DSCAML1: variants seen among roughly 807,000 people sequenced by gnomAD.
The protein encoded by DSCAML1 is DS cell adhesion molecule like 1, also known as cell adhesion molecule DSCAML1.
A neutral mutation model predicts 200.5 loss-of-function variants in DSCAML1; 38 were observed. That is an observed-to-expected ratio of 0.19 (90% CI 0.15 to 0.25). The LOEUF is 0.25. DSCAML1 is among the 10% of genes least tolerant of loss of function. The pLI is 1.00. For synonymous variants in DSCAML1, 1,215 were observed against 1,165.0 expected (o/e 1.04, Z -0.87); for missense variants, 2,223 against 2,858.8 (o/e 0.78, Z 5.07).
At chr11:117,597,388 A>C (rs776711966) in intron 3 of DSCAML1, among the ~76,000 whole-genome samples, 1 of 152,106 alleles carries the variant, frequency 6.6e-6, no homozygotes, top group Non-Finnish European at 1.5e-5. Context: ...AGCAGCTAAG[A>C]CTCAACCTGA....
chr11:117,509,402 C>T (rs2137287578), intron 8 of DSCAML1, among the ~76,000 whole-genome samples: 1 of 152,288 alleles, frequency 6.6e-6, no homozygotes, highest in South Asian at 2.1e-4. Flanking sequence ...AAACATGCAG[C>T]TGGGCTGGTC....
At chr11:117,718,793 T>A (rs1435477532) in intron 3 of DSCAML1, among the ~76,000 whole-genome samples, 1 of 151,332 alleles carries the variant, frequency 6.6e-6, no homozygotes, top group Non-Finnish European at 1.5e-5. Flanking sequence ...GAAATTACAA[T>A]GATGATTACT....
At chr11:117,680,809 G>T (rs1258620308) in intron 3 of DSCAML1, among the ~76,000 whole-genome samples, 1 of 152,200 alleles carries the variant, frequency 6.6e-6, no homozygotes, top group Non-Finnish European at 1.5e-5. Flanking sequence ...GCCAGGCAGG[G>T]TCCGTTCCCC....
chr11:117,476,195 A>G (rs1008327915), intron 14 of DSCAML1, among the ~76,000 whole-genome samples: 1 of 152,124 alleles, frequency 6.6e-6, no homozygotes, highest in Non-Finnish European at 1.5e-5. Flanking sequence ...GGCTGGGGAG[A>G]TGTCAGTGCC....
chr11:117,804,736 G>A (rs1345896245), intron 1 of DSCAML1, among the ~76,000 whole-genome samples: 1 of 152,132 alleles, frequency 6.6e-6, no homozygotes, highest in Non-Finnish European at 1.5e-5. Context: ...TTCAAGACCA[G>A]CCTGGACAAC....
At chr11:117,641,755 C>T (rs188964412) in intron 3 of DSCAML1, among the ~76,000 whole-genome samples, 17 of 152,304 alleles carry the variant, frequency 1.1e-4, no homozygotes, top group South Asian at 2.1e-4. Context: ...GGCCTGCGAC[C>T]GGCTCTATGC....
chr11:117,705,018 G>A (rs978217511), intron 3 of DSCAML1, among the ~76,000 whole-genome samples: 1 of 152,196 alleles, frequency 6.6e-6, no homozygotes, highest in African/African-American at 2.4e-5. Flanking sequence ...GTGGTGCAAA[G>A]ACTCTGCGTA....
chr11:117,680,694 C>T (rs1000584068), intron 3 of DSCAML1, among the ~76,000 whole-genome samples: 8 of 152,224 alleles, frequency 5.3e-5, no homozygotes, highest in African/African-American at 1.9e-4. Flanking sequence ...CTTGTAAGGA[C>T]AGCCTCTCCA....
chr11:117,462,136 T>C (rs1277502582), intron 17 of DSCAML1, among the ~76,000 whole-genome samples: 1 of 152,206 alleles, frequency 6.6e-6, no homozygotes, highest in African/African-American at 2.4e-5. Flanking sequence ...GGAAAAGGAC[T>C]TCAGCTAACC....
At chr11:117,549,998 C>T (rs189781309) in intron 3 of DSCAML1, among the ~76,000 whole-genome samples, 1 of 152,286 alleles carries the variant, frequency 6.6e-6, no homozygotes, top group East Asian at 1.9e-4. Flanking sequence ...ACCAACCTTT[C>T]CACACTGGGT....
rs2048650603 is a variant in DSCAML1, at chr11:117,469,857, A to G, written c.3024+53T>C. The G allele has an allele frequency of 3.3e-6, 5 of 1,521,680 alleles. No homozygotes were observed. The highest frequency in any genetic ancestry group is 4.5e-6 in the Non-Finnish European group (5 of 1,118,808). 94.3% of individuals were successfully genotyped at this position (1,521,680 alleles called of 1,614,324 possible). On this transcript the variant is annotated intron_variant, in intron 16 of 32. Transcript: ENST00000651296. The surrounding 1 kb of genome is among the most constrained non-coding windows in gnomAD (Gnocchi z 4.1). ...TGCTGGGAGCTTTCGTCCTGGATTG[A>G]GGAGAGAGGAGGCAAGCAGACATTC... is the stretch of plus-strand genomic sequence containing the variant.
At chr11:117,467,202 C>CCCCCCCCCCCCCCCCCCCCCA (rs2048600020) in intron 16 of DSCAML1, among the ~76,000 whole-genome samples, 1 of 134,080 alleles carries the variant, frequency 7.5e-6, no homozygotes, top group African/African-American at 3.1e-5. Context: ...CACCTCCCCC[C>CCCCCCCCCCCCCCCCCCCCCA]TCCCCCCGCC....
chr11:117,810,371 G>A (rs567554134), intron 1 of DSCAML1, among the ~76,000 whole-genome samples: 42 of 148,942 alleles, frequency 2.8e-4, no homozygotes, highest in Non-Finnish European at 4.3e-4. Flanking sequence ...CCTTATTTCC[G>A]CACCCCGACC....
chr11:117,656,111 G>A (rs373487045), intron 3 of DSCAML1, among the ~76,000 whole-genome samples: 3 of 152,330 alleles, frequency 2.0e-5, no homozygotes, highest in Middle Eastern at 3.4e-3. Flanking sequence ...GGTGGCGTAC[G>A]CCTGTAATCT....
chr11:117,629,512 T>G (rs2052127566), intron 3 of DSCAML1, among the ~76,000 whole-genome samples: 1 of 152,034 alleles, frequency 6.6e-6, no homozygotes, highest in African/African-American at 2.4e-5. Flanking sequence ...CAAGGGGGCC[T>G]GGACAGACTG....
chr11:117,488,343 C>T (rs1393532711), intron 11 of DSCAML1, among the ~76,000 whole-genome samples: 1 of 152,228 alleles, frequency 6.6e-6, no homozygotes, highest in African/African-American at 2.4e-5. Flanking sequence ...TCTTCCACCT[C>T]CCCCTTACTT....
In DSCAML1 at chr11:117,713,725, C is replaced by T. The variant is rs933783153; in HGVS notation, c.511+63066G>A. On this transcript the variant is annotated intron_variant, in intron 3 of 32. Coordinates refer to ENST00000651296, the MANE Select transcript of DSCAML1 (RefSeq NM_020693.4). Reference sequence around the variant, plus strand: ...CACCAGTTCAGATGTGTCCCCTTGTCGGGCCTTGACAGATTCTGCGGAGTC... The same window carrying T: ...CACCAGTTCAGATGTGTCCCCTTGTTGGGCCTTGACAGATTCTGCGGAGTC... Among the ~76,000 whole-genome samples the T allele has an allele frequency of 4.6e-5, 7 of 152,188 alleles. No homozygotes were observed. In the South Asian group the frequency reaches 6.2e-4, roughly 14 times the overall value.
At chr11:117,470,390 AG>A (rs1194612542) in intron 15 of DSCAML1, among the ~76,000 whole-genome samples, 1 of 152,144 alleles carries the variant, frequency 6.6e-6, no homozygotes, top group African/African-American at 2.4e-5. Flanking sequence ...CCTGGCTAAC[AG>A]GGTGAAACCC....
At position 117,505,749 on chromosome 11, in the gene DSCAML1, G is replaced by T. The variant is rs776856024; in HGVS notation, c.1784-17C>A. The T allele has an allele frequency of 1.9e-6, 3 of 1,601,250 alleles. No individual in the cohort carries two copies. Among genetic ancestry groups the T allele is most frequent in the Non-Finnish European group, 2.6e-6 (3 of 1,173,598 alleles). The stretch of plus-strand genomic sequence containing the variant: ...GAGGGGGCACTGGGAAGGCAAGCGG[G>T]TGCTGCCGTCAGGACCCTGTGCATT... On this transcript the variant is annotated splice_polypyrimidine_tract_variant and intron_variant, in intron 8 of 32. Transcript: ENST00000651296. The surrounding 1 kb of genome is among the most constrained non-coding windows in gnomAD (Gnocchi z 6.7).
Sources: allele counts gnomAD v4.1 joint callset (sites outside exome capture counted in the v4.1 genomes callset), GRCh38; gene constraint gnomAD v4.1.1; non-coding constraint Gnocchi (gnomAD v3.1); transcripts MANE v1.5; gene names NCBI Gene and HGNC (gene_info 2026-07-23, HGNC 2026-07-21).